Variants in JAZF1 observed in about 807,000 individuals in gnomAD.
The protein encoded by JAZF1 is juxtaposed with another zinc finger protein 1.
JAZF1 carries 8 observed loss-of-function variants against 26.4 expected under a neutral mutation model. That is an observed-to-expected ratio of 0.30 (90% confidence interval 0.18 to 0.55). The LOEUF (loss-of-function observed/expected upper bound fraction) is 0.55, where lower values mean the gene tolerates loss of function less well. JAZF1 is among the 20% of genes least tolerant of loss of function. The probability of loss-of-function intolerance (pLI) is 0.94; values close to 1 mark genes in which losing one functional copy is unlikely to be tolerated. For synonymous variants in JAZF1, 126 were observed against 122.3 expected (o/e 1.03, Z -0.20); for missense variants, 199 against 322.0 (o/e 0.62, Z 2.92).
rs961899799 is a variant in JAZF1, at chr7:28,152,539, G to GT, written c.115+27923dup. Among the ~76,000 whole-genome samples the GT allele has an allele frequency of 4.1e-4, 62 of 152,140 alleles. 1 individual carries two copies. Among genetic ancestry groups the GT allele is most frequent in the African/African-American group, 1.4e-3 (58 of 41,506 alleles). ...TTCATCTATGCCAGGCATTGGATTA[G>GT]TTTTTTCTATCTCCCATTGACTCAG... On this transcript the variant is annotated intron_variant, in intron 1 of 4. Transcript: ENST00000283928.
rs1343041180 is a variant in JAZF1, at chr7:27,832,276, TTTC to T, written c.*521_*523del. The T allele has an allele frequency of 8.0e-5, 17 of 212,614 alleles. No homozygotes were observed. The highest frequency in any genetic ancestry group is 3.6e-4 in the African/African-American group (16 of 44,386). The allele number at this position is 212,614 out of a possible 1,614,324, so 13.2% of individuals were successfully genotyped here. The stretch of plus-strand genomic sequence containing the variant: ...TTTTAGCATATTATGTTAAACATTC[TTTC>T]TTATTTATATTTCCATTACCTAAAG... On this transcript the variant is annotated 3_prime_UTR_variant, in exon 5 of 5. Transcript: ENST00000283928.
intron 1 of JAZF1, among the ~76,000 whole-genome samples, chr7:28,006,122 G>A (rs893769364): frequency 3.9e-5 from 6 of 151,954 alleles, no homozygotes; most frequent in Admixed American, 3.9e-4. Context: ...TAGGGGCCAG[G>A]CTCAGTGGCT....
rs142948744 is a variant in JAZF1 at position 27,982,776 on chromosome 7, G to A, written c.188+9133C>T. 1.9e-3 allele frequency among the ~76,000 whole-genome samples: 282 copies of A among 152,254 alleles called. No individual in the cohort carries two copies. The Middle Eastern group carries it at 0.02, about 11-fold the overall frequency. ...GAAGGATCAGGCAGCAACATCTGTC[G>A]TCCTGCAATATTTGCTGTTCTGCAG... On this transcript the variant is annotated intron_variant, in intron 2 of 4. Coordinates refer to ENST00000283928, the MANE Select transcript of JAZF1 (RefSeq NM_175061.4).
chr7:27,941,583 A>T (rs1161304626), intron 2 of JAZF1, among the ~76,000 whole-genome samples: 1 of 152,238 alleles, frequency 6.6e-6, no homozygotes, highest in African/African-American at 2.4e-5. Context: ...TGTCAATAGC[A>T]ACAAATGCAC....
intron 2 of JAZF1, among the ~76,000 whole-genome samples, chr7:27,921,083 G>T (rs988431896): frequency 6.6e-6 from 1 of 152,068 alleles, no homozygotes; most frequent in Non-Finnish European, 1.5e-5. Context: ...ACTACTAACC[G>T]GCAGTTACAA....
intron 2 of JAZF1, among the ~76,000 whole-genome samples, chr7:27,966,979 A>G (rs547124888): frequency 6.6e-5 from 10 of 152,334 alleles, no homozygotes; most frequent in African/African-American, 2.4e-4. Flanking sequence ...GCACAGGTCT[A>G]AGGAACTGAC....
chr7:28,145,727 A>G (rs1488166156), intron 1 of JAZF1, among the ~76,000 whole-genome samples: 1 of 151,960 alleles, frequency 6.6e-6, no homozygotes, highest in Non-Finnish European at 1.5e-5. Flanking sequence ...ATAAAAAAAA[A>G]AACAGAACAT....
At chr7:27,913,943 T>A (rs1784403293) in intron 2 of JAZF1, among the ~76,000 whole-genome samples, 1 of 151,394 alleles carries the variant, frequency 6.6e-6, no homozygotes, top group African/African-American at 2.5e-5. Context: ...TAAATGGGGG[T>A]TTCATTGATG....
chr7:27,991,731 A>G (rs1250429817), intron 2 of JAZF1, among the ~76,000 whole-genome samples, 178 bp downstream of exon 2: 2 of 152,212 alleles, frequency 1.3e-5, no homozygotes, highest in Admixed American at 6.5e-5. Flanking sequence ...GAGCATTACA[A>G]TTCAACTTCT....
intron 3 of JAZF1, among the ~76,000 whole-genome samples, chr7:27,867,214 T>C (rs899417043): frequency 6.6e-6 from 1 of 152,098 alleles, no homozygotes; most frequent in Non-Finnish European, 1.5e-5. Flanking sequence ...GGATGATTGA[T>C]ATAGAGAAAA....
At chr7:27,944,058 GAACTATGGAAACATATCCTCTACAGA>G (rs531304471) in intron 2 of JAZF1, among the ~76,000 whole-genome samples, 98 of 152,266 alleles carry the variant, frequency 6.4e-4, no homozygotes, top group African/African-American at 2.3e-3. Flanking sequence ...AGTTTCACAG[GAACTATGGAAACATATCCTCTACAGA>G]TGGGCTTAGC....
At chr7:27,937,468 G>A (rs1207940110) in intron 2 of JAZF1, among the ~76,000 whole-genome samples, 1 of 152,074 alleles carries the variant, frequency 6.6e-6, no homozygotes, top group Non-Finnish European at 1.5e-5. Context: ...TTGAACTTTT[G>A]CCTTTAGGAT....
At chr7:27,928,724 G>A (rs1170683582) in intron 2 of JAZF1, among the ~76,000 whole-genome samples, 1 of 152,190 alleles carries the variant, frequency 6.6e-6, no homozygotes, top group African/African-American at 2.4e-5. Context: ...ACTCATAAGT[G>A]GGAGCTAAAT....
chr7:27,917,309 G>C (rs1784457237), intron 2 of JAZF1, among the ~76,000 whole-genome samples: 1 of 152,188 alleles, frequency 6.6e-6, no homozygotes, highest in African/African-American at 2.4e-5. Context: ...ACCTGTTCCA[G>C]CGTGCCTCTC....
chr7:28,117,950 T>G (rs543472325), intron 1 of JAZF1, among the ~76,000 whole-genome samples: 1 of 152,290 alleles, frequency 6.6e-6, no homozygotes, highest in Non-Finnish European at 1.5e-5. Flanking sequence ...ACTCACAGAA[T>G]TCTGGTTTAC....
chr7:27,881,380 C>G (rs180698391), intron 3 of JAZF1, among the ~76,000 whole-genome samples: 7 of 152,154 alleles, frequency 4.6e-5, no homozygotes. Flanking sequence ...TTCCTTTACA[C>G]GCAACATAGC....
intron 2 of JAZF1, among the ~76,000 whole-genome samples, chr7:27,951,643 G>A (rs969935797): frequency 2.0e-5 from 3 of 152,126 alleles, no homozygotes; most frequent in African/African-American, 7.2e-5. Flanking sequence ...CAGTATTTAG[G>A]TCCTGATGTT....
At chr7:28,050,261 T>C (rs1267204961) in intron 1 of JAZF1, among the ~76,000 whole-genome samples, 2 of 152,182 alleles carry the variant, frequency 1.3e-5, no homozygotes, top group Non-Finnish European at 2.9e-5. Flanking sequence ...ACCAATATAT[T>C]TCTATTTTTA....
intron 1 of JAZF1, among the ~76,000 whole-genome samples, chr7:28,159,000 A>C (rs1025913311): frequency 6.6e-6 from 1 of 152,164 alleles, no homozygotes; most frequent in African/African-American, 2.4e-5. Flanking sequence ...ACTGCAGTGC[A>C]CTTGGCTTTG....
Sources: gnomAD v4.1 joint callset for allele counts (sites outside exome capture counted in the v4.1 genomes callset) on GRCh38, gnomAD v4.1.1 for gene constraint, MANE v1.5 for transcripts, NCBI Gene and HGNC (gene_info 2026-07-23, HGNC 2026-07-21) for gene names.